GRIN2A: variants seen among roughly 807,000 people sequenced by gnomAD.
GRIN2A encodes the protein glutamate receptor ionotropic, NMDA 2A.
A neutral mutation model predicts 113.4 loss-of-function variants in GRIN2A; 22 were observed. The ratio of observed to expected loss-of-function variants is 0.19; its 90% CI spans 0.14 to 0.28. The LOEUF (loss-of-function observed/expected upper bound fraction) is 0.28. Among genes scored for constraint, GRIN2A ranks in the 10% least tolerant of loss-of-function variants. The pLI, the probability that GRIN2A is intolerant of heterozygous loss-of-function variation, is 1.00. For synonymous variants in GRIN2A, 827 were observed against 738.4 expected (o/e 1.12, Z -1.94); for missense variants, 1,502 against 1,887.0 (o/e 0.80, Z 3.78).
chr16:10,035,145 C>A (rs1451768786), intron 2 of GRIN2A, among the ~76,000 whole-genome samples: 1 of 152,150 alleles, frequency 6.6e-6, no homozygotes, highest in African/African-American at 2.4e-5. Context: ...CCTGCCTCAA[C>A]CTCTTGAGTA....
intron 2 of GRIN2A, among the ~76,000 whole-genome samples, chr16:10,132,740 A>G (rs76353984): frequency 0.017 from 2,626 of 152,314 alleles, 80 homozygotes; most frequent in African/African-American, 0.06. Context: ...AAAGAAGCAA[A>G]ATAATACGTC....
chr16:10,006,834 T>C (rs1277657553), intron 2 of GRIN2A, among the ~76,000 whole-genome samples: 1 of 152,172 alleles, frequency 6.6e-6, no homozygotes, highest in Admixed American at 6.5e-5. Flanking sequence ...CTCTTCTGTG[T>C]TCAATTGTTT....
intron 10 of GRIN2A, among the ~76,000 whole-genome samples, chr16:9,810,979 C>G (rs1349003093): frequency 6.6e-6 from 1 of 152,136 alleles, no homozygotes; most frequent in African/African-American, 2.4e-5. Flanking sequence ...TAGAGGCTTT[C>G]CATGGTCTGA....
intron 4 of GRIN2A, among the ~76,000 whole-genome samples, chr16:9,881,369 A>G (rs2043477173): frequency 6.6e-6 from 1 of 152,220 alleles, no homozygotes; most frequent in African/African-American, 2.4e-5. Context: ...TAACAGGATG[A>G]CCTAAATAAA....
chr16:9,944,690 T>C lies in GRIN2A; in HGVS notation c.415-6139A>G, dbSNP rs1239135701. 3.3e-5 allele frequency among the ~76,000 whole-genome samples: 5 copies of C among 152,152 alleles called. No individual in the cohort carries two copies. In the East Asian group the frequency reaches 9.6e-4, roughly 29 times the overall value. ...TTCTTGAGGGTAGGGCACCGTGCCC[T>C]CCTGACTTCTGCTCAGCACCTTGCA... On this transcript the variant is annotated intron_variant, in intron 2 of 12. Transcript: ENST00000330684.
chr16:9,910,601 G>A (rs1342061954), intron 3 of GRIN2A, among the ~76,000 whole-genome samples: 3 of 147,718 alleles, frequency 2.0e-5, no homozygotes, highest in Non-Finnish European at 4.4e-5. Context: ...GCAGTGGTGC[G>A]ATCTCGGCTC....
In GRIN2A at chr16:9,764,918, T is replaced by C. The variant is rs1399604502; in HGVS notation, c.2626A>G (p.Ile876Val). Residue 876 changes from isoleucine to valine, a missense_variant, in exon 13 of 13, where the codon ATT (isoleucine) becomes GTT (valine). Physicochemically the swap from Ile to Val is conservative, Grantham distance 29. Around this residue, in one of 7 missense-constraint regions of GRIN2A, gnomAD observed 832 missense variants for 789.7 expected, o/e 1.05. Transcript: ENST00000330684. Reference sequence around the variant, plus strand: ...TCTGGAGACTTCTTCTTTTCTTCAATGTGCACTCCATGAATGCAGCTGTAG... The same window carrying C: ...TCTGGAGACTTCTTCTTTTCTTCAACGTGCACTCCATGAATGCAGCTGTAG... ...GIYSCIHGVHIEEKKKSPDFN... is the reference protein window; with the variant it reads ...GIYSCIHGVHVEEKKKSPDFN... 1 of 1,613,978 alleles carries C rather than the reference T, an allele frequency of 6.2e-7. No homozygotes were observed. Among genetic ancestry groups the C allele is most frequent in the African/African-American group, 1.3e-5 (1 of 74,932 alleles).
rs577039913 is a variant in GRIN2A at position 9,765,616 on chromosome 16, G to A, written c.2596-668C>T. The stretch of plus-strand genomic sequence containing the variant: ...AGTTGCAGACTTACCATCATGTGGG[G>A]GTGTGAGCCTATCAGTGAAGCCATT... On this transcript the variant is annotated intron_variant, in intron 12 of 12. Transcript: ENST00000330684. 1.2e-4 allele frequency among the ~76,000 whole-genome samples: 18 copies of A among 152,240 alleles called. 1 individual carries two copies. The South Asian group carries it at 2.7e-3, about 23-fold the overall frequency.
intron 4 of GRIN2A, among the ~76,000 whole-genome samples, chr16:9,851,574 T>C (rs1053578246): frequency 6.6e-6 from 1 of 152,212 alleles, no homozygotes; most frequent in African/African-American, 2.4e-5. Flanking sequence ...TATACAAGTG[T>C]TTCCTTTTGG....
intron 2 of GRIN2A, among the ~76,000 whole-genome samples, chr16:9,945,993 C>T (rs1262817490): frequency 6.6e-6 from 1 of 152,174 alleles, no homozygotes; most frequent in Admixed American, 6.5e-5. Context: ...GGAAAGAACA[C>T]ATAAATGCAT....
At chr16:10,164,258 G>A (rs1333372551) in intron 2 of GRIN2A, among the ~76,000 whole-genome samples, 3 of 152,242 alleles carry the variant, frequency 2.0e-5, no homozygotes, top group African/African-American at 7.2e-5. Flanking sequence ...CACTGACTCT[G>A]TACAGAACCT....
intron 4 of GRIN2A, among the ~76,000 whole-genome samples, chr16:9,868,159 C>G (rs967432687): frequency 6.6e-6 from 1 of 152,198 alleles, no homozygotes; most frequent in East Asian, 1.9e-4. Flanking sequence ...CCACCCTCAT[C>G]CAGGCCTTCA....
intron 2 of GRIN2A, among the ~76,000 whole-genome samples, chr16:10,093,766 C>G (rs975781936): frequency 5.9e-5 from 9 of 152,206 alleles, no homozygotes; most frequent in African/African-American, 2.2e-4. Flanking sequence ...CACCTCTTGA[C>G]TTTGAGTTTG....
intron 3 of GRIN2A, among the ~76,000 whole-genome samples, chr16:9,933,601 A>G (rs2044647763): frequency 6.6e-6 from 1 of 152,246 alleles, no homozygotes; most frequent in Non-Finnish European, 1.5e-5. Context: ...CTGCAAATGT[A>G]ATTTTTAAGC....
intron 4 of GRIN2A, among the ~76,000 whole-genome samples, chr16:9,877,001 C>T (rs1038803098): frequency 4.6e-5 from 7 of 152,340 alleles, no homozygotes. Context: ...CAGATACCAT[C>T]CCTGTGAATC....
intron 3 of GRIN2A, among the ~76,000 whole-genome samples, chr16:9,925,433 A>G (rs529592514): frequency 2.0e-5 from 3 of 152,144 alleles, no homozygotes; most frequent in Non-Finnish European, 2.9e-5. Context: ...ATTCAGCTCA[A>G]CACTAAGGTG....
chr16:9,941,520 C>A (rs148983248), intron 2 of GRIN2A, among the ~76,000 whole-genome samples: 2 of 152,208 alleles, frequency 1.3e-5, no homozygotes, highest in Non-Finnish European at 2.9e-5. Flanking sequence ...GTCTCCACCC[C>A]CTGTCATGCC....
intron 4 of GRIN2A, among the ~76,000 whole-genome samples, chr16:9,871,034 C>G (rs557507057): frequency 5.3e-5 from 8 of 152,188 alleles, no homozygotes; most frequent in Non-Finnish European, 8.8e-5. Context: ...CCCAATCAAT[C>G]TGCTCATTCG....
intron 3 of GRIN2A, among the ~76,000 whole-genome samples, chr16:9,894,299 G>A (rs1035434332): frequency 6.6e-6 from 1 of 152,198 alleles, no homozygotes; most frequent in African/African-American, 2.4e-5. Context: ...TTGTTCAGAA[G>A]GTCATGGTGA....
Sources: gnomAD v4.1 joint callset for allele counts (sites outside exome capture counted in the v4.1 genomes callset) on GRCh38, gnomAD v4.1.1 for gene constraint, gnomAD v4.1.1 regional missense constraint, MANE v1.5 for transcripts, NCBI Gene and HGNC (gene_info 2026-07-23, HGNC 2026-07-21) for gene names.